The following RORA variants were observed in gnomAD, a reference collection of about 807,000 sequenced individuals.
RORA encodes RAR related orphan receptor A, also known as nuclear receptor ROR-alpha.
RORA carries 7 observed loss-of-function variants against 69.5 expected under a neutral mutation model. The observed-to-expected ratio is 0.10, with a 90% CI of 0.06 to 0.19. The LOEUF (loss-of-function observed/expected upper bound fraction) is 0.19. Ranked by LOEUF, RORA falls within the 10% of genes least tolerant of loss-of-function variation. The pLI, the probability that RORA is intolerant of heterozygous loss-of-function variation, is 1.00. For missense variants in RORA, 457 were observed against 663.0 expected, an observed-to-expected ratio of 0.69 and a Z score of 3.41; for synonymous variants, 261 against 240.8, an observed-to-expected ratio of 1.08 and a Z score of -0.78.
At chr15:60,826,667 A>T (rs183987080) in intron 1 of RORA, among the ~76,000 whole-genome samples, 79 of 145,270 alleles carry the variant, frequency 5.4e-4, no homozygotes, top group African/African-American at 1.9e-3. Flanking sequence ...TTTTTTTCCC[A>T]TGGAGGAGGA....
chr15:60,924,446 A>G (rs1438224707), intron 1 of RORA, among the ~76,000 whole-genome samples: 1 of 151,512 alleles, frequency 6.6e-6, no homozygotes, highest in Non-Finnish European at 1.5e-5. Context: ...AGTCCTTTAA[A>G]ATTTTAGAGC....
At chr15:61,180,954 A>G (rs1323324463) in intron 1 of RORA, among the ~76,000 whole-genome samples, 1 of 152,056 alleles carries the variant, frequency 6.6e-6, no homozygotes, top group Non-Finnish European at 1.5e-5. Flanking sequence ...AAATATAAAA[A>G]TTATCTGGGT....
At chr15:60,874,068 A>G (rs535943126) in intron 1 of RORA, among the ~76,000 whole-genome samples, 1 of 152,340 alleles carries the variant, frequency 6.6e-6, no homozygotes, top group African/African-American at 2.4e-5. Context: ...AACCTACAAC[A>G]GCTGTTTATC....
At chr15:60,823,372 T>C (rs1237338774) in intron 1 of RORA, among the ~76,000 whole-genome samples, 2 of 152,178 alleles carry the variant, frequency 1.3e-5, no homozygotes, top group Non-Finnish European at 2.9e-5. Context: ...TTTTCTCTCA[T>C]AGCACTCTAT....
intron 1 of RORA, among the ~76,000 whole-genome samples, chr15:60,881,103 G>A (rs1173750970): frequency 2.0e-5 from 3 of 152,192 alleles, no homozygotes; most frequent in African/African-American, 7.2e-5. Context: ...TTTCCACACT[G>A]AGTCTTATGA....
At chr15:60,929,376 G>C (rs928699575) in intron 1 of RORA, among the ~76,000 whole-genome samples, 6 of 152,192 alleles carry the variant, frequency 3.9e-5, no homozygotes, top group Admixed American at 3.9e-4. Flanking sequence ...ATCACTGGCT[G>C]GTCTTTGTTG....
chr15:61,079,699 T>C (rs1172232577), intron 1 of RORA, among the ~76,000 whole-genome samples: 1 of 152,240 alleles, frequency 6.6e-6, no homozygotes, highest in Non-Finnish European at 1.5e-5. Context: ...GAAGGTATAA[T>C]GTGCTCTGCT....
rs941715509 is a variant in RORA, at chr15:60,492,737, A to G, written c.*4718T>C. On this transcript the variant is annotated 3_prime_UTR_variant, in exon 11 of 11. Transcript: ENST00000335670. ...GATGCTCTTTGCTGGTACATTATTA[A>G]TTTATCTTTTGAACACACTGGCATA... 3 of 152,130 alleles carry G rather than the reference A, an allele frequency of 2.0e-5. No homozygotes were observed. The highest frequency in any genetic ancestry group is 4.4e-5 in the Non-Finnish European group (3 of 67,998). 9.4% of individuals were successfully genotyped at this position (152,130 alleles called of 1,614,324 possible).
intron 1 of RORA, among the ~76,000 whole-genome samples, chr15:60,693,031 C>T (rs541899096): frequency 6.6e-6 from 1 of 152,296 alleles, no homozygotes; most frequent in African/African-American, 2.4e-5. Flanking sequence ...CCCTGATGAA[C>T]ATTGATGCAA....
At chr15:60,836,615 A>T (rs2073119219) in intron 1 of RORA, among the ~76,000 whole-genome samples, 1 of 152,194 alleles carries the variant, frequency 6.6e-6, no homozygotes, top group African/African-American at 2.4e-5. Context: ...CCACACGTTC[A>T]GCGGGGACTC....
intron 1 of RORA, among the ~76,000 whole-genome samples, chr15:60,913,387 C>T (rs1891784344): frequency 6.6e-6 from 1 of 152,220 alleles, no homozygotes; most frequent in African/African-American, 2.4e-5. Context: ...CCTCCTACAG[C>T]CACCTCTCCC....
At chr15:60,573,185 C>T (rs185001269) in intron 2 of RORA, among the ~76,000 whole-genome samples, 277 of 152,264 alleles carry the variant, frequency 1.8e-3, no homozygotes, top group African/African-American at 6.3e-3. Flanking sequence ...ATGATTGAAC[C>T]GCGGCACCAC....
chr15:60,656,773 A>C (rs1176078164), intron 2 of RORA, among the ~76,000 whole-genome samples: 2 of 152,218 alleles, frequency 1.3e-5, no homozygotes, highest in East Asian at 1.9e-4. Flanking sequence ...CTGAGTTAAA[A>C]AGGAAGGAAA....
chr15:61,047,117 T>A (rs1897069206), intron 1 of RORA, among the ~76,000 whole-genome samples: 2 of 152,080 alleles, frequency 1.3e-5, no homozygotes, highest in African/African-American at 2.4e-5. Context: ...CTAGAAGGGG[T>A]CTGGGTCTCT....
In RORA at chr15:61,020,202, T is replaced by TTAAGTCAGGACTTAATTAGGAATTAA. The variant is rs1359580828; in HGVS notation, c.166+208850_166+208851insTTAATTCCTAATTAAGTCCTGACTTA. Among the ~76,000 whole-genome samples, 6 of 152,344 alleles carry TTAAGTCAGGACTTAATTAGGAATTAA rather than the reference T, an allele frequency of 3.9e-5. No individual in the cohort carries two copies. The South Asian group carries it at 1.0e-3, about 26-fold the overall frequency. ...ATATATGTCTTTCTGTTCCCTTCTCTTTAGGACTCCACATTAAGTCAGCAT... is the reference window on the plus strand; with the variant it reads ...ATATATGTCTTTCTGTTCCCTTCTCTTAAGTCAGGACTTAATTAGGAATTAATTAGGACTCCACATTAAGTCAGCAT... On this transcript the variant is annotated intron_variant, in intron 1 of 10. Coordinates refer to ENST00000335670, the MANE Select transcript of RORA (RefSeq NM_134261.3).
chr15:61,176,938 A>T (rs2079634235), intron 1 of RORA, among the ~76,000 whole-genome samples: 1 of 152,220 alleles, frequency 6.6e-6, no homozygotes, highest in African/African-American at 2.4e-5. Context: ...GGCCTCTGGA[A>T]CATTCACTGC....
chr15:60,859,315 G>A (rs1375538355), intron 1 of RORA, among the ~76,000 whole-genome samples: 2 of 151,948 alleles, frequency 1.3e-5, no homozygotes, highest in Non-Finnish European at 2.9e-5. Flanking sequence ...TATTTGGCAT[G>A]GCGCTTTGCA....
intron 1 of RORA, among the ~76,000 whole-genome samples, chr15:60,856,365 C>A (rs572798237): frequency 6.6e-6 from 1 of 152,278 alleles, no homozygotes; most frequent in African/African-American, 2.4e-5. Flanking sequence ...TAGAGTTCAC[C>A]TTTCCAGGTC....
chr15:61,014,233 A>G (rs1895201176), intron 1 of RORA, among the ~76,000 whole-genome samples: 1 of 152,328 alleles, frequency 6.6e-6, no homozygotes, highest in South Asian at 2.1e-4. Context: ...ATAAAATGAG[A>G]GCACAAATTA....
Sources: gnomAD v4.1 joint callset for allele counts (sites outside exome capture counted in the v4.1 genomes callset) on GRCh38, gnomAD v4.1.1 for gene constraint, MANE v1.5 for transcripts, NCBI Gene and HGNC (gene_info 2026-07-23, HGNC 2026-07-21) for gene names.